SORCS1: variants seen among roughly 807,000 people sequenced by gnomAD.
The protein encoded by SORCS1 is VPS10 domain-containing receptor SorCS1.
SORCS1 carries 60 observed loss-of-function variants against 146.1 expected under a neutral mutation model. The ratio of observed to expected loss-of-function variants is 0.41; its 90% CI spans 0.33 to 0.51. The LOEUF is 0.51. Ranked by LOEUF, SORCS1 falls within the 20% of genes least tolerant of loss-of-function variation. SORCS1 has a pLI of 0.21. For missense variants in SORCS1, 1,352 were observed against 1,487.6 expected (o/e 0.91, Z 1.50); for synonymous variants, 637 against 584.0 (o/e 1.09, Z -1.31).
intron 1 of SORCS1, among the ~76,000 whole-genome samples, chr10:106,983,274 A>C (rs940492064): frequency 6.7e-6 from 1 of 148,914 alleles, no homozygotes; most frequent in African/African-American, 2.4e-5. Flanking sequence ...ATAAATATAC[A>C]TATACATATT....
chr10:106,581,536 G>A (rs1164082975), intron 24 of SORCS1, among the ~76,000 whole-genome samples: 1 of 151,936 alleles, frequency 6.6e-6, no homozygotes, highest in Non-Finnish European at 1.5e-5. Context: ...TGGAAGACAG[G>A]TATGTGTATA....
At chr10:107,007,403 C>G (rs1310129614) in intron 1 of SORCS1, among the ~76,000 whole-genome samples, 1 of 152,160 alleles carries the variant, frequency 6.6e-6, no homozygotes, top group East Asian at 1.9e-4. Flanking sequence ...TGAGGAAGCC[C>G]AAGGAACCCT....
chr10:107,155,990 C>A (rs904422618), intron 1 of SORCS1, among the ~76,000 whole-genome samples: 1 of 152,144 alleles, frequency 6.6e-6, no homozygotes, highest in African/African-American at 2.4e-5. Flanking sequence ...ACATTAATAA[C>A]CCCCAGAAGC....
chr10:106,652,068 T>C (rs1035591702), intron 18 of SORCS1, among the ~76,000 whole-genome samples: 10 of 152,208 alleles, frequency 6.6e-5, no homozygotes. Flanking sequence ...TTCAGGAATG[T>C]TATTTATGTA....
intron 1 of SORCS1, among the ~76,000 whole-genome samples, chr10:107,014,912 A>G (rs1040183473): frequency 4.6e-5 from 7 of 152,352 alleles, no homozygotes; most frequent in African/African-American, 1.4e-4. Context: ...AAAGGAAGGA[A>G]TAGCCAATTG....
At chr10:106,862,329 T>C (rs1225276089) in intron 2 of SORCS1, among the ~76,000 whole-genome samples, 3 of 151,894 alleles carry the variant, frequency 2.0e-5, no homozygotes, top group Non-Finnish European at 4.4e-5. Flanking sequence ...GTGAAATAAT[T>C]GATGCTATCC....
chr10:106,976,159 C>T (rs1334731301), intron 1 of SORCS1, among the ~76,000 whole-genome samples: 2 of 149,192 alleles, frequency 1.3e-5, no homozygotes, highest in African/African-American at 2.4e-5. Flanking sequence ...AAGCCATCTC[C>T]TCCATGAAGC....
chr10:106,711,244 T>G (rs554515068), intron 6 of SORCS1, among the ~76,000 whole-genome samples: 1 of 152,310 alleles, frequency 6.6e-6, no homozygotes, highest in East Asian at 1.9e-4. Context: ...AAGGAGTTAT[T>G]TTACTTGTTT....
At chr10:106,821,051 T>C (rs1224719251) in intron 3 of SORCS1, among the ~76,000 whole-genome samples, 1 of 152,226 alleles carries the variant, frequency 6.6e-6, no homozygotes, top group African/African-American at 2.4e-5. Context: ...AAACAAATTG[T>C]TCTCAAAGAA....
intron 1 of SORCS1, among the ~76,000 whole-genome samples, chr10:107,149,584 T>C (rs181802158): frequency 7.0e-4 from 106 of 152,316 alleles, no homozygotes; most frequent in Admixed American, 2.1e-3. Context: ...GAGAAGATAG[T>C]GATGCTTTAA....
intron 2 of SORCS1, among the ~76,000 whole-genome samples, chr10:106,920,126 C>A (rs951354609): frequency 6.6e-6 from 1 of 152,138 alleles, no homozygotes; most frequent in African/African-American, 2.4e-5. Context: ...CCCCAGTCAC[C>A]ACTTTACACC....
chr10:106,853,714 T>C (rs767834792), intron 2 of SORCS1, among the ~76,000 whole-genome samples: 1 of 152,098 alleles, frequency 6.6e-6, no homozygotes, highest in African/African-American at 2.4e-5. Flanking sequence ...CTTTGATCGA[T>C]GTGATATTTA....
intron 1 of SORCS1, among the ~76,000 whole-genome samples, chr10:107,069,832 AT>A (rs1324380385): frequency 3.3e-5 from 5 of 152,242 alleles, no homozygotes; most frequent in Non-Finnish European, 5.9e-5. Flanking sequence ...ATAAGATATA[AT>A]TCACATATCC....
intron 10 of SORCS1, among the ~76,000 whole-genome samples, chr10:106,686,687 A>C (rs900605801): frequency 1.3e-5 from 2 of 152,182 alleles, no homozygotes; most frequent in Non-Finnish European, 2.9e-5. Context: ...GTTGCCAGTA[A>C]TAAGGATAGA....
chr10:106,966,841 A>G (rs1474545839), intron 1 of SORCS1, among the ~76,000 whole-genome samples: 1 of 152,194 alleles, frequency 6.6e-6, no homozygotes, highest in African/African-American at 2.4e-5. Flanking sequence ...AAGGGAACTC[A>G]TGGGTTTTCT....
chr10:106,913,855 T>G (rs1952283304), intron 2 of SORCS1, among the ~76,000 whole-genome samples: 2 of 152,180 alleles, frequency 1.3e-5, no homozygotes, highest in African/African-American at 4.8e-5. Flanking sequence ...GAAATGTCCT[T>G]GAGTTGCTAC....
intron 6 of SORCS1, among the ~76,000 whole-genome samples, chr10:106,729,213 T>C (rs1377087706): frequency 6.6e-6 from 1 of 152,258 alleles, no homozygotes; most frequent in African/African-American, 2.4e-5. Context: ...TTATTTACCA[T>C]ATTAGCTTAG....
chr10:106,721,554 T>C (rs1233269994), intron 6 of SORCS1, among the ~76,000 whole-genome samples: 1 of 152,232 alleles, frequency 6.6e-6, no homozygotes, highest in African/African-American at 2.4e-5. Flanking sequence ...CTTTTTAAAA[T>C]TTGCTCTCAG....
At chr10:106,724,358 T>G (rs1265559199) in intron 6 of SORCS1, among the ~76,000 whole-genome samples, 2 of 151,784 alleles carry the variant, frequency 1.3e-5, no homozygotes, top group East Asian at 3.9e-4. Flanking sequence ...AATACCAAAA[T>G]TAGCTGGGCG....
Sources: gnomAD v4.1 joint callset for allele counts (sites outside exome capture counted in the v4.1 genomes callset) on GRCh38, gnomAD v4.1.1 for gene constraint, MANE v1.5 for transcripts, NCBI Gene and HGNC (gene_info 2026-07-23, HGNC 2026-07-21) for gene names.